Variants in AFF3 observed in about 807,000 individuals in gnomAD.
AFF3 encodes AF4/FMR2 family member 3.
A neutral mutation model predicts 129.7 loss-of-function variants in AFF3; 32 were observed. That is an observed-to-expected ratio of 0.25 (90% confidence interval 0.19 to 0.33). The LOEUF (loss-of-function observed/expected upper bound fraction) is 0.33. AFF3 is among the 10% of genes least tolerant of loss of function. The pLI is 1.00. For missense variants in AFF3, 1,373 were observed against 1,592.0 expected (o/e 0.86, Z 2.34); for synonymous variants, 644 against 635.4 (o/e 1.01, Z -0.20).
intron 7 of AFF3, chr2:100,006,144 G>T (rs1681949983): frequency 6.6e-6 from 1 of 152,580 alleles, no homozygotes; most frequent in Non-Finnish European, 1.5e-5. Context: ...AAACTATTAT[G>T]AGGTTTATTT....
At chr2:100,036,194 C>A (rs947692966) in intron 4 of AFF3, among the ~76,000 whole-genome samples, 2 of 149,872 alleles carry the variant, frequency 1.3e-5, no homozygotes, top group Admixed American at 1.3e-4. Flanking sequence ...GCAACAGTCA[C>A]CCTCATGAAT....
At chr2:100,083,855 C>T (rs925965359) in intron 4 of AFF3, among the ~76,000 whole-genome samples, 3 of 151,898 alleles carry the variant, frequency 2.0e-5, no homozygotes, top group African/African-American at 4.8e-5. Context: ...GAAGGGAGTA[C>T]GGAGTGAGCC....
chr2:99,954,765 T>C (rs1173452129), intron 7 of AFF3, among the ~76,000 whole-genome samples: 1 of 73,756 alleles, frequency 1.4e-5, no homozygotes, highest in East Asian at 5.1e-4. Context: ...GGGACTGTTG[T>C]GGGGTGGGGG....
chr2:99,958,814 A>G (rs1676922841), intron 7 of AFF3, among the ~76,000 whole-genome samples: 1 of 152,060 alleles, frequency 6.6e-6, no homozygotes, highest in African/African-American at 2.4e-5. Flanking sequence ...GAGGGTAAGG[A>G]ATAAGAACAT....
intron 9 of AFF3, among the ~76,000 whole-genome samples, chr2:99,744,416 G>C (rs1680967168): frequency 6.6e-6 from 1 of 152,144 alleles, no homozygotes; most frequent in African/African-American, 2.4e-5. Flanking sequence ...CCATTTTAAA[G>C]TGAACAATTC....
chr2:99,914,687 G>A (rs1291839354), intron 7 of AFF3, among the ~76,000 whole-genome samples: 1 of 152,076 alleles, frequency 6.6e-6, no homozygotes. Flanking sequence ...AGGCCGAGGC[G>A]GGGGGATCAC....
At chr2:99,968,056 A>G (rs1303808344) in intron 7 of AFF3, among the ~76,000 whole-genome samples, 1 of 152,210 alleles carries the variant, frequency 6.6e-6, no homozygotes, top group East Asian at 1.9e-4. Flanking sequence ...TTCCCTGACC[A>G]CAAAAACATG....
At chr2:100,120,074 A>G (rs1691893186) in intron 2 of AFF3, among the ~76,000 whole-genome samples, 1 of 152,236 alleles carries the variant, frequency 6.6e-6, no homozygotes, top group Non-Finnish European at 1.5e-5. Context: ...ATCTAGTCAC[A>G]TTAGTGATGA....
chr2:99,631,601 A>G (rs1161524031), intron 13 of AFF3, among the ~76,000 whole-genome samples: 1 of 152,184 alleles, frequency 6.6e-6, no homozygotes. Context: ...GAATCATACA[A>G]TATCTGTCCT....
chr2:99,899,784 T>G (rs1694220407), intron 7 of AFF3, among the ~76,000 whole-genome samples: 1 of 152,196 alleles, frequency 6.6e-6, no homozygotes, highest in Non-Finnish European at 1.5e-5. Flanking sequence ...ACAAGTCAAG[T>G]CCTAATGAAA....
intron 4 of AFF3, among the ~76,000 whole-genome samples, chr2:100,090,729 T>G (rs1320284096): frequency 6.6e-6 from 1 of 152,106 alleles, no homozygotes; most frequent in Non-Finnish European, 1.5e-5. Context: ...CAGGCTGGAG[T>G]GCAATGGTGC....
chr2:99,966,689 CAAAAAAAAAAAAAAAAAAAA>C (rs61351679), intron 7 of AFF3, among the ~76,000 whole-genome samples: 31 of 36,690 alleles, frequency 8.4e-4, no homozygotes, highest in African/African-American at 2.2e-3. Flanking sequence ...GACTCCGTCT[CAAAAAAAAAAAAAAAAAAAA>C]AAAAAAAAAA....
chr2:99,951,496 T>C (rs13429584), intron 7 of AFF3, among the ~76,000 whole-genome samples: 7,148 of 152,224 alleles, frequency 0.047, 557 homozygotes, highest in African/African-American at 0.16. Context: ...CTGCAGTTCC[T>C]TGAAAGATGT....
At chr2:99,923,341 C>G (rs531765150) in intron 7 of AFF3, among the ~76,000 whole-genome samples, 1 of 152,214 alleles carries the variant, frequency 6.6e-6, no homozygotes, top group Non-Finnish European at 1.5e-5. Context: ...GTGATGCTTA[C>G]CACAGTACAG....
intron 7 of AFF3, among the ~76,000 whole-genome samples, chr2:99,845,669 T>A (rs1488483285): frequency 6.6e-6 from 1 of 152,152 alleles, no homozygotes; most frequent in Non-Finnish European, 1.5e-5. Flanking sequence ...CCTAAAACCC[T>A]ACGTCGTTAA....
At chr2:100,064,277 C>A (rs1687543218) in intron 4 of AFF3, among the ~76,000 whole-genome samples, 1 of 152,138 alleles carries the variant, frequency 6.6e-6, no homozygotes, top group African/African-American at 2.4e-5. Context: ...CTATCACCTA[C>A]CCCTCCTCTA....
chr2:99,842,160 A>G (rs1044481943), intron 7 of AFF3, among the ~76,000 whole-genome samples: 1 of 152,124 alleles, frequency 6.6e-6, no homozygotes, highest in African/African-American at 2.4e-5. Flanking sequence ...TCTTTTCCAA[A>G]TTACAGAAAG....
intron 10 of AFF3, among the ~76,000 whole-genome samples, chr2:99,737,442 A>AT (rs1680348837): frequency 1.5e-5 from 1 of 68,016 alleles, no homozygotes; most frequent in South Asian, 1.2e-3. Context: ...TGACTCATTA[A>AT]ATTTTTTTTT....
At chr2:99,617,815 AAGTC>A (rs1439240043) in intron 13 of AFF3, among the ~76,000 whole-genome samples, 4 of 152,162 alleles carry the variant, frequency 2.6e-5, no homozygotes, top group African/African-American at 9.7e-5. Context: ...AGGAGTAGAA[AAGTC>A]AGCTACAGTT....
Sources: allele counts gnomAD v4.1 joint callset (sites outside exome capture counted in the v4.1 genomes callset), GRCh38; gene constraint gnomAD v4.1.1; transcripts MANE v1.5; gene names NCBI Gene and HGNC (gene_info 2026-07-23, HGNC 2026-07-21).